The following WWOX variants were observed in gnomAD, a reference collection of about 807,000 sequenced individuals.
WWOX encodes the protein WW domain containing oxidoreductase.
WWOX carries 69 observed loss-of-function variants against 46.2 expected under a neutral mutation model. The observed-to-expected ratio is 1.49, with a 90% CI of 1.23 to 1.82. The LOEUF (loss-of-function observed/expected upper bound fraction) is 1.82. Ranked by LOEUF, WWOX falls within the 40% of genes most tolerant of loss-of-function variation. The pLI is 0.00. For synonymous variants in WWOX, 359 were observed against 202.6 expected (o/e 1.77, Z -6.56); for missense variants, 919 against 542.6 (o/e 1.69, Z -6.89).
intron 4 of WWOX, among the ~76,000 whole-genome samples, chr16:78,159,527 G>T (rs956172233): frequency 6.6e-6 from 1 of 152,060 alleles, no homozygotes; most frequent in African/African-American, 2.4e-5. Flanking sequence ...ACCTTAAGAG[G>T]TGTGAGGTGA....
chr16:78,759,805 G>C (rs2049746359), intron 8 of WWOX, among the ~76,000 whole-genome samples: 1 of 152,162 alleles, frequency 6.6e-6, no homozygotes, highest in African/African-American at 2.4e-5. Flanking sequence ...TCCAGAGTGA[G>C]TTTTATGGAG....
chr16:78,119,154 A>T (rs1488236194), intron 4 of WWOX: 4 of 152,288 alleles, frequency 2.6e-5, no homozygotes, highest in African/African-American at 9.6e-5. Flanking sequence ...TTTGTGTTCA[A>T]CATAGACTGA....
At chr16:78,269,499 T>C (rs1350054633) in intron 5 of WWOX, among the ~76,000 whole-genome samples, 1 of 152,172 alleles carries the variant, frequency 6.6e-6, no homozygotes, top group African/African-American at 2.4e-5. Flanking sequence ...CAGTGAGTTA[T>C]GACACAGGGA....
intron 5 of WWOX, among the ~76,000 whole-genome samples, chr16:78,357,647 A>T (rs1233310326): frequency 6.6e-6 from 1 of 152,158 alleles, no homozygotes; most frequent in African/African-American, 2.4e-5. Context: ...GTGGTGTTGG[A>T]GATAGGATTA....
rs1353413608 is a variant in WWOX, at chr16:78,189,044, C to T, written c.516+24755C>T. Among the ~76,000 whole-genome samples the T allele has an allele frequency of 2.6e-5, 4 of 152,258 alleles. No homozygotes were observed. In the South Asian group the frequency reaches 8.3e-4, roughly 32 times the overall value. Reference sequence around the variant, plus strand: ...CAGAGTCAAGGTCATGCCTGAGGCCCAACCTTCCTGTTGAAGCTGGTGTTT... The same window carrying T: ...CAGAGTCAAGGTCATGCCTGAGGCCTAACCTTCCTGTTGAAGCTGGTGTTT... On this transcript the variant is annotated intron_variant, in intron 5 of 8. Transcript: ENST00000566780.
chr16:78,875,552 A>G (rs2044218236), intron 8 of WWOX, among the ~76,000 whole-genome samples: 1 of 152,280 alleles, frequency 6.6e-6, no homozygotes, highest in Non-Finnish European at 1.5e-5. Context: ...TCTTGGCTAT[A>G]TGGAATTCAC....
rs576566214 is a variant in WWOX at position 78,823,379 on chromosome 16, A to G, written c.1057-388229A>G. Among the ~76,000 whole-genome samples, 5 of 152,310 alleles carry G rather than the reference A, an allele frequency of 3.3e-5. No individual in the cohort carries two copies. In the East Asian group the frequency reaches 5.8e-4, roughly 18 times the overall value. On this transcript the variant is annotated intron_variant, in intron 8 of 8. Transcript: ENST00000566780. ...GAAGGACAGACTCCCACCCCATCCCATCATTCCAGGTTCAATAAGAGGCAG... is the reference window on the plus strand; with the variant it reads ...GAAGGACAGACTCCCACCCCATCCCGTCATTCCAGGTTCAATAAGAGGCAG...
chr16:78,227,541 G>A (rs773474939), intron 5 of WWOX, among the ~76,000 whole-genome samples: 1 of 152,182 alleles, frequency 6.6e-6, no homozygotes, highest in African/African-American at 2.4e-5. Flanking sequence ...CTGGACTTCA[G>A]TATCCACCCT....
At chr16:78,718,047 G>A (rs1173212942) in intron 8 of WWOX, among the ~76,000 whole-genome samples, 3 of 122,926 alleles carry the variant, frequency 2.4e-5, no homozygotes, top group East Asian at 4.6e-4. Flanking sequence ...GACTGCAAAC[G>A]TTATTTGCTT....
chr16:78,370,180 G>A (rs917767501), intron 5 of WWOX, among the ~76,000 whole-genome samples: 1 of 150,128 alleles, frequency 6.7e-6, no homozygotes, highest in Non-Finnish European at 1.5e-5. Flanking sequence ...AGACAATCTG[G>A]GTGCATATCT....
chr16:78,539,990 T>C (rs1228656657), intron 8 of WWOX, among the ~76,000 whole-genome samples: 1 of 135,692 alleles, frequency 7.4e-6, no homozygotes, highest in Non-Finnish European at 1.5e-5. Flanking sequence ...TACATCTCTC[T>C]CTCTCTTTCT....
At chr16:78,326,588 C>G (rs1293133929) in intron 5 of WWOX, among the ~76,000 whole-genome samples, 1 of 107,216 alleles carries the variant, frequency 9.3e-6, no homozygotes, top group South Asian at 4.2e-4. Context: ...CCCCCCCCCC[C>G]CGCAATGCCT....
chr16:79,080,960 A>G (rs1479190669), intron 8 of WWOX, among the ~76,000 whole-genome samples: 1 of 152,164 alleles, frequency 6.6e-6, no homozygotes, highest in Non-Finnish European at 1.5e-5. Flanking sequence ...GTGTAGTTAG[A>G]TAGTGATGAA....
chr16:78,303,604 G>A (rs1045540024), intron 5 of WWOX, among the ~76,000 whole-genome samples: 1 of 152,174 alleles, frequency 6.6e-6, no homozygotes, highest in African/African-American at 2.4e-5. Flanking sequence ...GAGTGCAATG[G>A]CACAATCTCG....
At chr16:78,189,430 G>A (rs1229169907) in intron 5 of WWOX, among the ~76,000 whole-genome samples, 1 of 152,134 alleles carries the variant, frequency 6.6e-6, no homozygotes, top group Non-Finnish European at 1.5e-5. Flanking sequence ...ATGCCCATGA[G>A]GTATGTCAAA....
intron 5 of WWOX, among the ~76,000 whole-genome samples, chr16:78,378,100 C>T (rs1263541805): frequency 6.6e-6 from 1 of 151,742 alleles, no homozygotes; most frequent in African/African-American, 2.4e-5. Flanking sequence ...CTTCAAGAAT[C>T]CCCCTGCGTC....
intron 8 of WWOX, among the ~76,000 whole-genome samples, chr16:79,040,149 T>A (rs970730787): frequency 2.0e-5 from 3 of 152,144 alleles, no homozygotes; most frequent in Admixed American, 2.0e-4. Flanking sequence ...TTGGAATGGA[T>A]CCTGGCATAA....
chr16:79,173,035 A>C (rs1186409412), intron 8 of WWOX, among the ~76,000 whole-genome samples: 1 of 152,116 alleles, frequency 6.6e-6, no homozygotes, highest in African/African-American at 2.4e-5. Flanking sequence ...TAAGTAAATA[A>C]ATGCCTCTGT....
intron 5 of WWOX, among the ~76,000 whole-genome samples, chr16:78,270,895 A>G (rs774275794): frequency 2.0e-5 from 3 of 152,216 alleles, no homozygotes; most frequent in Non-Finnish European, 4.4e-5. Flanking sequence ...GAAGGTACTT[A>G]ACTATCTGGC....
Sources: gnomAD v4.1 joint callset for allele counts (sites outside exome capture counted in the v4.1 genomes callset) on GRCh38, gnomAD v4.1.1 for gene constraint, MANE v1.5 for transcripts, NCBI Gene and HGNC (gene_info 2026-07-23, HGNC 2026-07-21) for gene names.